Variants in DPYD observed in about 807,000 individuals in gnomAD.
DPYD encodes the protein dihydropyrimidine dehydrogenase [NADP(+)].
In DPYD, 109 loss-of-function variants were observed where a neutral mutation model predicts 116.2. The observed-to-expected ratio is 0.94, with a 90% CI of 0.80 to 1.10. The LOEUF is 1.10. Ranked by LOEUF, DPYD falls within the 50% of genes least tolerant of loss-of-function variation. The pLI, the probability that DPYD is intolerant of heterozygous loss-of-function variation, is 0.00. For synonymous variants in DPYD, 440 were observed against 432.0 expected (o/e 1.02, Z -0.23); for missense variants, 1,302 against 1,254.5 (o/e 1.04, Z -0.57).
chr1:97,405,120 T>C (rs964007214), intron 14 of DPYD, among the ~76,000 whole-genome samples: 4 of 152,102 alleles, frequency 2.6e-5, no homozygotes, highest in Non-Finnish European at 4.4e-5. Flanking sequence ...CTGTCATTCA[T>C]TGGACTTATA....
chr1:97,885,226 T>C (rs1287610289), intron 1 of DPYD, among the ~76,000 whole-genome samples: 2 of 152,072 alleles, frequency 1.3e-5, no homozygotes, highest in Non-Finnish European at 2.9e-5. Context: ...TGGGTCATGT[T>C]CATCATTTTC....
chr1:97,855,713 C>G (rs1054991220), intron 2 of DPYD: 1 of 152,168 alleles, frequency 6.6e-6, no homozygotes, highest in Non-Finnish European at 1.5e-5. Flanking sequence ...CGAAATACAT[C>G]AGAACAATGA....
intron 8 of DPYD, among the ~76,000 whole-genome samples, chr1:97,605,170 G>T (rs986056312): frequency 3.3e-5 from 5 of 152,086 alleles, no homozygotes; most frequent in Admixed American, 2.6e-4. Flanking sequence ...AAAAGAAGTT[G>T]TAAGAATATT....
intron 8 of DPYD, among the ~76,000 whole-genome samples, chr1:97,606,441 GACA>G (rs1368611378): frequency 2.0e-5 from 3 of 151,990 alleles, no homozygotes; most frequent in Admixed American, 1.3e-4. Context: ...CTGGACTGCA[GACA>G]ACATTCTAAA....
At chr1:97,696,151 A>G (rs747965716) in intron 6 of DPYD, among the ~76,000 whole-genome samples, 3 of 148,998 alleles carry the variant, frequency 2.0e-5, no homozygotes, top group Non-Finnish European at 4.5e-5. Context: ...AGAAAAAAGA[A>G]AAGAAAAAAA....
intron 20 of DPYD, among the ~76,000 whole-genome samples, chr1:97,156,354 C>T (rs898593863): frequency 2.6e-5 from 4 of 151,986 alleles, no homozygotes; most frequent in East Asian, 3.9e-4. Flanking sequence ...AGAAAATTTT[C>T]GCAACCTACT....
chr1:97,120,367 C>T lies in DPYD; in HGVS notation c.2623-21735G>A, dbSNP rs563928870. Reference sequence around the variant, plus strand: ...ATTATCAATTTCCATTTCCTTTCAGCGCCTTTGCCACCCATGGGCCACCTA... The same window carrying T: ...ATTATCAATTTCCATTTCCTTTCAGTGCCTTTGCCACCCATGGGCCACCTA... On this transcript the variant is annotated intron_variant, in intron 20 of 22. Transcript: ENST00000370192. Among the ~76,000 whole-genome samples, 129 of 152,250 alleles carry T rather than the reference C, an allele frequency of 8.5e-4. 1 individual carries two copies. Among genetic ancestry groups the T allele is most frequent in the African/African-American group, 2.7e-3 (113 of 41,550 alleles).
intron 18 of DPYD, among the ~76,000 whole-genome samples, chr1:97,298,674 T>C (rs1437873147): frequency 6.6e-6 from 1 of 152,138 alleles, no homozygotes; most frequent in Non-Finnish European, 1.5e-5. Flanking sequence ...ATAGTCAGAG[T>C]AATGCTAGAG....
intron 3 of DPYD, among the ~76,000 whole-genome samples, chr1:97,814,493 A>T (rs1245979388): frequency 6.6e-6 from 1 of 152,150 alleles, no homozygotes; most frequent in African/African-American, 2.4e-5. Context: ...GGGAGAAACA[A>T]AACTGGACAG....
intron 13 of DPYD, among the ~76,000 whole-genome samples, chr1:97,453,689 C>T (rs930910870): frequency 3.9e-5 from 6 of 152,070 alleles, no homozygotes; most frequent in Admixed American, 6.6e-5. Flanking sequence ...TCAAAGCCTA[C>T]AATTCTACCT....
intron 8 of DPYD, among the ~76,000 whole-genome samples, chr1:97,673,690 G>A (rs148363658): frequency 4.4e-4 from 67 of 152,196 alleles, no homozygotes; most frequent in African/African-American, 1.5e-3. Flanking sequence ...AAAAAGTCCA[G>A]TCTGAACATA....
chr1:97,473,379 A>G (rs1677767215), intron 13 of DPYD, among the ~76,000 whole-genome samples: 1 of 152,178 alleles, frequency 6.6e-6, no homozygotes, highest in South Asian at 2.1e-4. Context: ...TTATTCATTC[A>G]TCAATGGACA....
intron 14 of DPYD, among the ~76,000 whole-genome samples, chr1:97,430,721 T>G (rs2225882): frequency 0.98 from 149,938 of 152,326 alleles, 73,846 homozygotes; most frequent in Middle Eastern, 1. Context: ...GTCTGGTTAG[T>G]AAGCAGAGTC....
intron 12 of DPYD, among the ~76,000 whole-genome samples, chr1:97,525,895 CGT>C (rs34460898): frequency 0.48 from 61,048 of 127,100 alleles, 14,074 homozygotes; most frequent in East Asian, 0.65. Context: ...TGCGCGCGCG[CGT>C]GTGTGTGTGT....
At chr1:97,306,051 T>C (rs1211847767) in intron 17 of DPYD, 126 bp downstream of exon 17, 2 of 1,495,130 alleles carry the variant, frequency 1.3e-6, no homozygotes, top group East Asian at 2.3e-5. Context: ...AGTGCTCAAC[T>C]GGAAACTTTT....
chr1:97,349,885 T>C (rs1408605958), intron 16 of DPYD, among the ~76,000 whole-genome samples: 1 of 150,170 alleles, frequency 6.7e-6, no homozygotes, highest in East Asian at 2.0e-4. Context: ...CTGTGTCAAA[T>C]GGTATTTCTA....
chr1:97,257,452 T>TATATATATATATAGAG (rs375490078), intron 18 of DPYD, among the ~76,000 whole-genome samples: 63 of 126,458 alleles, frequency 5.0e-4, no homozygotes, highest in African/African-American at 1.3e-3. Flanking sequence ...TATATATATA[T>TATATATATATATAGAG]AGAGAGAGAG....
chr1:97,740,537 C>T (rs41300337), intron 3 of DPYD, 58 bp from the exon 4 acceptor site: 6 of 1,380,924 alleles, frequency 4.3e-6, no homozygotes, highest in African/African-American at 1.4e-5. Context: ...AATCTATTTT[C>T]TACCTTATAC....
intron 16 of DPYD, among the ~76,000 whole-genome samples, chr1:97,310,321 C>G (rs923336040): frequency 2.0e-5 from 3 of 151,728 alleles, no homozygotes; most frequent in Non-Finnish European, 4.4e-5. Flanking sequence ...ACCAATTTCA[C>G]CTTCTTAATT....
Sources: gnomAD v4.1 joint callset for allele counts (sites outside exome capture counted in the v4.1 genomes callset) on GRCh38, gnomAD v4.1.1 for gene constraint, MANE v1.5 for transcripts, NCBI Gene and HGNC (gene_info 2026-07-23, HGNC 2026-07-21) for gene names.